The following SCHIP1 variants were observed in gnomAD, a reference collection of about 807,000 sequenced individuals.
The protein encoded by SCHIP1 is schwannomin-interacting protein 1.
SCHIP1 carries 8 observed loss-of-function variants against 29.7 expected under a neutral mutation model. That is an observed-to-expected ratio of 0.27 (90% CI 0.16 to 0.49). The LOEUF is 0.49. Ranked by LOEUF, SCHIP1 falls within the 20% of genes least tolerant of loss-of-function variation. The pLI, the probability that SCHIP1 is intolerant of heterozygous loss-of-function variation, is 0.99. For synonymous variants in SCHIP1, 76 were observed against 94.9 expected, an observed-to-expected ratio of 0.80 and a Z score of 1.16; for missense variants, 193 against 294.6, an observed-to-expected ratio of 0.66 and a Z score of 2.52.
At chr3:159,569,331 C>A in the SCHIP1 span, among the ~76,000 whole-genome samples, 3 of 152,096 alleles carry the variant, frequency 2.0e-5, no homozygotes, top group African/African-American at 7.2e-5. Flanking sequence ...CCCCACACAC[C>A]AACAGGCCCC....
chr3:159,582,936 T>G, the SCHIP1 span, among the ~76,000 whole-genome samples: 96 of 152,294 alleles, frequency 6.3e-4, no homozygotes, highest in African/African-American at 2.3e-3. Context: ...CAAGGGCCTA[T>G]ATTCAATTTT....
intron 5 of SCHIP1, among the ~76,000 whole-genome samples, chr3:159,889,802 A>G (rs1717310878): frequency 6.6e-6 from 1 of 152,222 alleles, no homozygotes; most frequent in Non-Finnish European, 1.5e-5. Context: ...TGTGAATTTA[A>G]AAAAGAAAAG....
the SCHIP1 span, among the ~76,000 whole-genome samples, chr3:159,694,537 CAA>C: frequency 8.4e-6 from 1 of 119,348 alleles, no homozygotes; most frequent in African/African-American, 3.3e-5. Context: ...AAAGAAAAGA[CAA>C]GAAAGAAAGA....
chr3:159,697,583 A>G, the SCHIP1 span, among the ~76,000 whole-genome samples: 23 of 152,316 alleles, frequency 1.5e-4, no homozygotes, highest in African/African-American at 5.5e-4. Context: ...AATTTAATGA[A>G]TATTAATTAA....
At chr3:159,425,147 A>C in the SCHIP1 span, among the ~76,000 whole-genome samples, 50 of 152,090 alleles carry the variant, frequency 3.3e-4, no homozygotes, top group Non-Finnish European at 6.0e-4. Flanking sequence ...CGAGCAAAAT[A>C]ACCAGCTAAC....
At chr3:159,494,655 AG>A in the SCHIP1 span, among the ~76,000 whole-genome samples, 7 of 152,110 alleles carry the variant, frequency 4.6e-5, no homozygotes, top group East Asian at 9.6e-4. Flanking sequence ...ATGGATTCAC[AG>A]CTGAATTCTA....
At chr3:159,765,140 TA>T in the SCHIP1 span, 1 of 1,555,948 alleles carries the variant, frequency 6.4e-7, no homozygotes, top group Non-Finnish European at 8.7e-7. Flanking sequence ...TCCACCTCCG[TA>T]AGTTGGCCGG....
At chr3:159,418,811 G>A in the SCHIP1 span, among the ~76,000 whole-genome samples, 6 of 12,828 alleles carry the variant, frequency 4.7e-4, no homozygotes, top group Non-Finnish European at 7.6e-4. Context: ...ACAGATGGCA[G>A]AATCAGTAAC....
the SCHIP1 span, among the ~76,000 whole-genome samples, chr3:159,583,026 T>G: frequency 6.6e-6 from 1 of 152,268 alleles, no homozygotes; most frequent in East Asian, 1.9e-4. Context: ...GTTCATTTAT[T>G]TAAAAGCTTT....
At chr3:159,536,510 A>G in the SCHIP1 span, among the ~76,000 whole-genome samples, 1 of 152,158 alleles carries the variant, frequency 6.6e-6, no homozygotes, top group South Asian at 2.1e-4. Flanking sequence ...TAAGGGAAAA[A>G]CCAAGATACC....
chr3:159,285,894 C>T, the SCHIP1 span, among the ~76,000 whole-genome samples: 129 of 152,040 alleles, frequency 8.5e-4, no homozygotes, highest in African/African-American at 2.8e-3. Flanking sequence ...TAGTTTCTCC[C>T]CTATCTCATT....
intron 1 of SCHIP1, among the ~76,000 whole-genome samples, chr3:159,846,571 G>A (rs552130163): frequency 9.9e-5 from 15 of 152,124 alleles, no homozygotes; most frequent in Non-Finnish European, 1.8e-4. Context: ...ATTTAAGCCT[G>A]GTTTCTTCCA....
chr3:159,789,285 G>A, the SCHIP1 span, among the ~76,000 whole-genome samples: 1 of 152,250 alleles, frequency 6.6e-6, no homozygotes, highest in East Asian at 1.9e-4. Context: ...TCCTTTTCAG[G>A]GGACCTCTCT....
chr3:159,831,030 A>G, the SCHIP1 span, among the ~76,000 whole-genome samples: 1 of 152,208 alleles, frequency 6.6e-6, no homozygotes, highest in African/African-American at 2.4e-5. Context: ...GACACAAGGT[A>G]TCTGCCAGTG....
chr3:159,558,203 C>T, the SCHIP1 span, among the ~76,000 whole-genome samples: 1 of 152,188 alleles, frequency 6.6e-6, no homozygotes, highest in African/African-American at 2.4e-5. Flanking sequence ...AGGTATATCT[C>T]CATGGTTCCT....
At chr3:159,382,803 C>G in the SCHIP1 span, among the ~76,000 whole-genome samples, 1 of 152,212 alleles carries the variant, frequency 6.6e-6, no homozygotes, top group Non-Finnish European at 1.5e-5. Flanking sequence ...GCCATTCTAA[C>G]TGGTGTGAGA....
the SCHIP1 span, among the ~76,000 whole-genome samples, chr3:159,463,822 C>A: frequency 6.6e-6 from 1 of 151,866 alleles, no homozygotes; most frequent in South Asian, 2.1e-4. Flanking sequence ...TTACATATTA[C>A]ATTATTCTGT....
chr3:159,633,250 A>G, the SCHIP1 span, among the ~76,000 whole-genome samples: 7 of 152,236 alleles, frequency 4.6e-5, no homozygotes, highest in African/African-American at 1.7e-4. Context: ...ATATACATAT[A>G]ATAAACCTTG....
At chr3:159,677,717 G>A in the SCHIP1 span, among the ~76,000 whole-genome samples, 2 of 152,120 alleles carry the variant, frequency 1.3e-5, no homozygotes, top group East Asian at 1.9e-4. Context: ...GCTCTGGGGG[G>A]ATCCTTTTTT....
Sources: allele counts gnomAD v4.1 joint callset (sites outside exome capture counted in the v4.1 genomes callset), GRCh38; gene constraint gnomAD v4.1.1; transcripts MANE v1.5; gene names NCBI Gene and HGNC (gene_info 2026-07-23, HGNC 2026-07-21).